The following OTC variants were observed in gnomAD, a reference collection of about 807,000 sequenced individuals.
The protein encoded by OTC is ornithine transcarbamylase, also known as ornithine transcarbamylase, mitochondrial.
A neutral mutation model predicts 30.3 loss-of-function variants in OTC; 3 were observed. The observed-to-expected ratio is 0.10, with a 90% CI of 0.05 to 0.26. The LOEUF (loss-of-function observed/expected upper bound fraction) is 0.26, where lower values mean the gene tolerates loss of function less well. OTC is among the 10% of genes least tolerant of loss of function. The probability of loss-of-function intolerance (pLI) is 1.00; values close to 1 mark genes in which losing one functional copy is unlikely to be tolerated. For missense variants in OTC, 194 were observed against 260.3 expected, an observed-to-expected ratio of 0.75 and a Z score of 1.75; for synonymous variants, 111 against 99.7, an observed-to-expected ratio of 1.11 and a Z score of -0.67.
chrX:38,346,988 CATTT>C, the OTC span, among the ~76,000 whole-genome samples: 1 of 112,381 alleles, frequency 8.9e-6, no homozygotes, highest in Non-Finnish European at 1.9e-5. Flanking sequence ...CAAGTACATT[CATTT>C]AACAAAAGAA....
chrX:38,330,907 C>A, the OTC span, among the ~76,000 whole-genome samples: 1 of 111,938 alleles, frequency 8.9e-6, no homozygotes, highest in Non-Finnish European at 1.9e-5. Flanking sequence ...AGACTGAGTT[C>A]TTTCATTTCC....
intron 4 of OTC, chrX:38,396,028 A>G (rs1450963522): frequency 3.7e-5 from 4 of 108,733 alleles, no homozygotes; most frequent in Non-Finnish European, 3.8e-5. Flanking sequence ...CTGGAGTGCA[A>G]TGCAGCCTCT....
chrX:38,358,620 ATTTT>A (rs1194488054), intron 1 of OTC, among the ~76,000 whole-genome samples: 1 of 88,333 alleles, frequency 1.1e-5, no homozygotes, highest in Non-Finnish European at 2.2e-5. Flanking sequence ...CTGTGGTGGA[ATTTT>A]TTTTTTTTTT....
the OTC span, among the ~76,000 whole-genome samples, chrX:38,335,695 T>C: frequency 8.9e-6 from 1 of 112,892 alleles, no homozygotes; most frequent in Non-Finnish European, 1.9e-5. Context: ...GGCCCAACTG[T>C]TCAGCAATTG....
intron 1 of OTC, among the ~76,000 whole-genome samples, chrX:38,359,316 T>A (rs1053251760): frequency 1.6e-4 from 18 of 111,874 alleles, no homozygotes; most frequent in African/African-American, 5.5e-4. Flanking sequence ...ATTTCAGCTT[T>A]AGCAACACAC....
chrX:38,364,442 A>G (rs912337567), intron 1 of OTC, among the ~76,000 whole-genome samples: 1 of 112,104 alleles, frequency 8.9e-6, no homozygotes, highest in South Asian at 3.7e-4. Context: ...TCTACATATA[A>G]GCTGAAAACA....
intron 4 of OTC, among the ~76,000 whole-genome samples, chrX:38,386,609 T>A (rs964873823): frequency 9.0e-6 from 1 of 111,250 alleles, no homozygotes; most frequent in Non-Finnish European, 1.9e-5. Context: ...CCGCGTTCGT[T>A]CGTGATATTG....
chrX:38,394,221 T>A (rs1418099807), intron 4 of OTC, among the ~76,000 whole-genome samples: 1 of 112,794 alleles, frequency 8.9e-6, no homozygotes, highest in Admixed American at 9.4e-5. Flanking sequence ...ACAATGTATT[T>A]TTTAATTAGG....
chrX:38,414,417 C>T (rs1174327394), intron 9 of OTC, among the ~76,000 whole-genome samples: 2 of 111,812 alleles, frequency 1.8e-5, no homozygotes, highest in Non-Finnish European at 3.8e-5. Context: ...CCCCATTCCC[C>T]ATACCCCTGA....
At chrX:38,332,385 C>A in the OTC span, among the ~76,000 whole-genome samples, 8 of 101,749 alleles carry the variant, frequency 7.9e-5, no homozygotes, top group Non-Finnish European at 1.4e-4. Flanking sequence ...CTTCCCCTCA[C>A]CCCCCATCCC....
At chrX:38,386,218 C>T (rs144855992) in intron 4 of OTC, among the ~76,000 whole-genome samples, 2,206 of 107,610 alleles carry the variant, frequency 0.021, 24 homozygotes, top group Non-Finnish European at 0.031. Context: ...ACTAAAAATA[C>T]AAAAATTAGC....
chrX:38,352,781 A>G lies in OTC; in HGVS notation c.77+8A>G, dbSNP rs2147315564. Reference sequence around the variant, plus strand: ...CATGGTTCGAAATTTTCGGTAAGTGATGGTCAGAGACTTGGGTTTGATTTA... The same window carrying G: ...CATGGTTCGAAATTTTCGGTAAGTGGTGGTCAGAGACTTGGGTTTGATTTA... On this transcript the variant is annotated splice_region_variant and intron_variant, in intron 1 of 9. Transcript: ENST00000039007. 1 of 1,168,974 alleles carries G rather than the reference A, an allele frequency of 8.6e-7. No homozygotes were observed. The highest frequency in any genetic ancestry group is 1.8e-5 in the African/African-American group (1 of 57,041).
chrX:38,405,105 C>T (rs1053221313), intron 6 of OTC, among the ~76,000 whole-genome samples: 1 of 111,028 alleles, frequency 9.0e-6, no homozygotes, highest in African/African-American at 3.3e-5. Flanking sequence ...AACACTGAAA[C>T]TGGGGAAGGG....
chrX:38,352,667 T>C lies in OTC; in HGVS notation c.-30T>C. On this transcript the variant is annotated 5_prime_UTR_variant, in exon 1 of 10. Transcript: ENST00000039007. ...ACTTGCTGTGGAGTTTTCAAGGGCATAGAATCGTCCTTTACACAATTAAAA... is the reference window on the plus strand; with the variant it reads ...ACTTGCTGTGGAGTTTTCAAGGGCACAGAATCGTCCTTTACACAATTAAAA... The C allele has an allele frequency of 8.9e-7, 1 of 1,122,977 alleles. No homozygotes were observed. The highest frequency in any genetic ancestry group is 1.2e-6 in the Non-Finnish European group (1 of 814,794). 92.5% of individuals were successfully genotyped at this position (1,122,977 alleles called of 1,213,427 possible).
chrX:38,367,438 C>G lies in OTC; in HGVS notation c.216+9C>G. The G allele has an allele frequency of 8.4e-7, 1 of 1,196,251 alleles. No individual in the cohort carries two copies. The highest frequency in any genetic ancestry group is 1.1e-6 in the Non-Finnish European group (1 of 882,654). ...TAAAACAGAAAGGAGAGGTATGTAA[C>G]ATTTTCTTTTTACGTTCCATTACTA... is the stretch of plus-strand genomic sequence containing the variant. On this transcript the variant is annotated intron_variant, in intron 2 of 9. Transcript: ENST00000039007.
the OTC span, among the ~76,000 whole-genome samples, chrX:38,337,418 G>A: frequency 2.9e-4 from 32 of 112,030 alleles, no homozygotes; most frequent in African/African-American, 9.7e-4. Flanking sequence ...TCTCTGAAAA[G>A]TCCATCTACA....
upstream of OTC, among the ~76,000 whole-genome samples, chrX:38,349,000 C>T (rs1484076939): frequency 9.0e-6 from 1 of 111,639 alleles, no homozygotes; most frequent in Non-Finnish European, 1.9e-5. Flanking sequence ...AAGTTGTTGA[C>T]ACAGAAAGCT....
At chrX:38,385,956 G>A (rs1247711858) in intron 4 of OTC, among the ~76,000 whole-genome samples, 3 of 109,441 alleles carry the variant, frequency 2.7e-5, no homozygotes, top group East Asian at 2.8e-4. Context: ...AAAAAATTCC[G>A]CACACCTGTA....
rs137899554 is a variant in OTC at position 38,411,935 on chromosome X, A to C, written c.941A>C (p.Glu314Ala). 3.8e-5 allele frequency: 46 copies of C among 1,207,301 alleles called. No homozygotes were observed. The African/African-American group carries it at 7.9e-4, about 21-fold the overall frequency. Residue 314 changes from glutamate to alanine, a missense_variant, in exon 9 of 10, where the codon GAA (glutamate) becomes GCA (alanine). Coordinates refer to ENST00000039007, the MANE Select transcript of OTC (RefSeq NM_000531.6). The part of the protein sequence containing the change: ...LPRKPEEVDD[E>A]VFYSPRSLVF... ...AGAAAGCCAGAAGAAGTGGATGATGAAGTCTTTTATTCTCCTCGATCACTA... is the reference window on the plus strand; with the variant it reads ...AGAAAGCCAGAAGAAGTGGATGATGCAGTCTTTTATTCTCCTCGATCACTA...
Sources: allele counts gnomAD v4.1 joint callset (sites outside exome capture counted in the v4.1 genomes callset), GRCh38; gene constraint gnomAD v4.1.1; transcripts MANE v1.5; gene names NCBI Gene and HGNC (gene_info 2026-07-23, HGNC 2026-07-21).